Variants in RPH3A observed in about 807,000 individuals in gnomAD.
RPH3A encodes the protein rabphilin-3A.
A neutral mutation model predicts 102.2 loss-of-function variants in RPH3A; 48 were observed. The observed-to-expected ratio is 0.47, with a 90% CI of 0.37 to 0.60. The LOEUF (loss-of-function observed/expected upper bound fraction) is 0.60. RPH3A is among the 20% of genes least tolerant of loss of function. RPH3A has a pLI of 0.00. For missense variants in RPH3A, 781 were observed against 910.1 expected, an observed-to-expected ratio of 0.86 and a Z score of 1.83; for synonymous variants, 310 against 324.3, an observed-to-expected ratio of 0.96 and a Z score of 0.47.
Position 112,715,035 on chromosome 12 carries a change from C to T in RPH3A, c.-139-77108C>T, listed in dbSNP as rs192697848. Among the ~76,000 whole-genome samples the T allele has an allele frequency of 8.9e-4, 135 of 152,280 alleles. 1 individual carries two copies. Among genetic ancestry groups the T allele is most frequent in the Admixed American group, 1.8e-3 (28 of 15,302 alleles). On this transcript the variant is annotated intron_variant, in intron 1 of 21. Transcript: ENST00000543106. The stretch of plus-strand genomic sequence containing the variant: ...CTTCTCTGATATATCTAATCTACAC[C>T]GATTTCTCCTTACAATTCTTAGCGT...
chr12:112,800,158 A>G (rs1481590841), intron 2 of RPH3A, among the ~76,000 whole-genome samples: 4 of 152,162 alleles, frequency 2.6e-5, no homozygotes, highest in African/African-American at 9.7e-5. Context: ...AGATAGGAAG[A>G]CTCGATGGAG....
At chr12:112,807,932 C>T (rs550011795) in intron 2 of RPH3A, among the ~76,000 whole-genome samples, 1 of 152,250 alleles carries the variant, frequency 6.6e-6, no homozygotes, top group African/African-American at 2.4e-5. Flanking sequence ...TATTTCCCCC[C>T]ACTAGAATGT....
chr12:112,776,746 C>T (rs1005212054), intron 1 of RPH3A, among the ~76,000 whole-genome samples: 3 of 151,382 alleles, frequency 2.0e-5, no homozygotes, highest in Non-Finnish European at 2.9e-5. Flanking sequence ...TGGTGGTGGG[C>T]GCCTGTAGTC....
Position 112,798,872 on chromosome 12 carries a change from C to T in RPH3A, c.-19+6609C>T, listed in dbSNP as rs182664225. Among the ~76,000 whole-genome samples, 312 of 152,194 alleles carry T rather than the reference C, an allele frequency of 2.1e-3. 1 individual carries two copies. Among genetic ancestry groups the T allele is most frequent in the Non-Finnish European group, 3.1e-3 (214 of 68,012 alleles). Reference sequence around the variant, plus strand: ...CCCTTTCTCTCTCCTCTGCCCCTGGCCTCTCTTCCTTTCCTTTTCTCTCTC... The same window carrying T: ...CCCTTTCTCTCTCCTCTGCCCCTGGTCTCTCTTCCTTTCCTTTTCTCTCTC... On this transcript the variant is annotated intron_variant, in intron 2 of 21. Transcript: ENST00000389385.
chr12:112,870,763 T>C (rs1194352750), intron 10 of RPH3A, among the ~76,000 whole-genome samples: 2 of 152,154 alleles, frequency 1.3e-5, no homozygotes, highest in Non-Finnish European at 2.9e-5. Context: ...CTTCCTCTTA[T>C]TGGCAACAGA....
chr12:112,646,464 A>T (rs560311695), intron 1 of RPH3A, among the ~76,000 whole-genome samples: 1 of 152,314 alleles, frequency 6.6e-6, no homozygotes, highest in South Asian at 2.1e-4. Context: ...ACCCTGGCAG[A>T]CGTCCACTCA....
chr12:112,578,281 C>T (rs1323827122), intron 1 of RPH3A, among the ~76,000 whole-genome samples: 1 of 152,140 alleles, frequency 6.6e-6, no homozygotes, highest in Non-Finnish European at 1.5e-5. Flanking sequence ...ACTGTTACCT[C>T]ACAGCCAGGG....
intron 1 of RPH3A, among the ~76,000 whole-genome samples, chr12:112,686,960 T>TAA (rs1566258944): frequency 7.9e-5 from 12 of 151,682 alleles, no homozygotes; most frequent in Non-Finnish European, 7.4e-5. Context: ...ATAAAAAGTA[T>TAA]AAAATTTAAC....
chr12:112,810,066 A>C (rs2041542567), intron 2 of RPH3A, among the ~76,000 whole-genome samples: 1 of 152,220 alleles, frequency 6.6e-6, no homozygotes, highest in African/African-American at 2.4e-5. Context: ...TGCTGGGGAC[A>C]TTTCAGCTTC....
chr12:112,687,721 G>A (rs983958730), intron 1 of RPH3A, among the ~76,000 whole-genome samples: 4 of 152,140 alleles, frequency 2.6e-5, no homozygotes, highest in Non-Finnish European at 4.4e-5. Context: ...AAACATGTGG[G>A]GGTGTTCTTT....
chr12:112,824,728 C>G (rs926843886), intron 2 of RPH3A, among the ~76,000 whole-genome samples: 2 of 152,136 alleles, frequency 1.3e-5, no homozygotes, highest in African/African-American at 4.8e-5. Context: ...GGCTTCTGGC[C>G]TGGAGGGATG....
At chr12:112,730,264 G>A (rs1394087027) in intron 1 of RPH3A, among the ~76,000 whole-genome samples, 1 of 152,238 alleles carries the variant, frequency 6.6e-6, no homozygotes, top group East Asian at 1.9e-4. Context: ...AGCCTGAGCA[G>A]ACCAATGCAC....
rs961143186 is a variant in RPH3A, at chr12:112,837,529, C to T, written c.83+1027C>T. Among the ~76,000 whole-genome samples the T allele has an allele frequency of 5.9e-5, 9 of 152,224 alleles. 1 individual carries two copies. Among genetic ancestry groups the T allele is most frequent in the Admixed American group, 5.9e-4 (9 of 15,306 alleles). On this transcript the variant is annotated intron_variant, in intron 4 of 21. Coordinates refer to ENST00000389385, the MANE Select transcript of RPH3A (RefSeq NM_001143854.2). The stretch of plus-strand genomic sequence containing the variant: ...CCAGGAGACCCAGGAAAATTCTTCT[C>T]CCTGCCCTGTGCCTCAGTTTCTCCA...
At chr12:112,599,749 C>G (rs233718) in intron 1 of RPH3A, among the ~76,000 whole-genome samples, 23,649 of 152,088 alleles carry the variant, frequency 0.16, 2,193 homozygotes, top group South Asian at 0.3. Flanking sequence ...ATCCCACCAC[C>G]CTTCCCATCT....
At chr12:112,745,523 A>T (rs2040739644) in intron 1 of RPH3A, among the ~76,000 whole-genome samples, 1 of 151,982 alleles carries the variant, frequency 6.6e-6, no homozygotes, top group African/African-American at 2.4e-5. Context: ...CATTTTATTC[A>T]CATTTATGTA....
At chr12:112,755,982 G>T (rs961155912) in intron 1 of RPH3A, among the ~76,000 whole-genome samples, 1 of 152,094 alleles carries the variant, frequency 6.6e-6, no homozygotes, top group African/African-American at 2.4e-5. Context: ...AGAGTCAAAG[G>T]CTGGTTAACT....
At chr12:112,888,880 C>G (rs1030930566) in intron 17 of RPH3A, among the ~76,000 whole-genome samples, 9 of 152,218 alleles carry the variant, frequency 5.9e-5, no homozygotes, top group Non-Finnish European at 1.2e-4. Context: ...AGAGATAATT[C>G]AGGCTGCCTT....
At chr12:112,658,377 A>C (rs2040027362) in intron 1 of RPH3A, among the ~76,000 whole-genome samples, 1 of 152,052 alleles carries the variant, frequency 6.6e-6, no homozygotes, top group Non-Finnish European at 1.5e-5. Context: ...GGGTTTTGTC[A>C]TGTTGGCCAG....
rs564508212 is a variant in RPH3A at position 112,894,064 on chromosome 12, C to T, written c.1776-514C>T. The T allele has an allele frequency of 8.8e-5, 14 of 159,264 alleles. No individual in the cohort carries two copies. In the South Asian group the frequency reaches 1.3e-3, roughly 15 times the overall value. 9.9% of individuals were successfully genotyped at this position (159,264 alleles called of 1,614,324 possible). On this transcript the variant is annotated intron_variant, in intron 19 of 21. Coordinates refer to ENST00000389385, the MANE Select transcript of RPH3A (RefSeq NM_001143854.2). ...AACTCTCCCCTGAGTTTAAAAGGAA[C>T]CCAGTACACAGTTTTGAGAAGTGGA...
Sources: gnomAD v4.1 joint callset for allele counts (sites outside exome capture counted in the v4.1 genomes callset) on GRCh38, gnomAD v4.1.1 for gene constraint, MANE v1.5 for transcripts, NCBI Gene and HGNC (gene_info 2026-07-23, HGNC 2026-07-21) for gene names.